The following CFAP54 variants were observed in gnomAD, a reference collection of about 807,000 sequenced individuals.
CFAP54 encodes the protein cilia and flagella associated protein 54.
In CFAP54, 290 loss-of-function variants were observed where a neutral mutation model predicts 370.4. The ratio of observed to expected loss-of-function variants is 0.78; its 90% confidence interval spans 0.71 to 0.86. The LOEUF (loss-of-function observed/expected upper bound fraction) is 0.86, where lower values mean the gene tolerates loss of function less well. Ranked by LOEUF, CFAP54 falls within the 40% of genes least tolerant of loss-of-function variation. The probability of loss-of-function intolerance (pLI) is 0.00; values close to 1 mark genes in which losing one functional copy is unlikely to be tolerated. For missense variants in CFAP54, 3,399 were observed against 3,528.7 expected (o/e 0.96, Z 0.93); for synonymous variants, 1,206 against 1,236.5 (o/e 0.98, Z 0.52).
chr12:96,534,129 T>G lies in CFAP54; in HGVS notation c.1607T>G (p.Leu536Arg), dbSNP rs1955476076. The change falls in exon 11 of 68, where the codon CTA (leucine) becomes CGA (arginine). Residue 536 changes from leucine to arginine, a missense_variant. Physicochemically the swap from Leu to Arg is moderately radical, Grantham distance 102 (BLOSUM62 -2). This residue lies in a region of CFAP54 where 44 missense variants were observed against 82.3 expected (regional missense o/e 0.53). Transcript: ENST00000524981. ...ACTCTTCTGATTGCAATGGAACCACTAATCAACGTGAAGAGAAACAAAGGT... is the reference window on the plus strand; with the variant it reads ...ACTCTTCTGATTGCAATGGAACCACGAATCAACGTGAAGAGAAACAAAGGT... The part of the protein sequence containing the change: ...DLTLLIAMEP[L>R]INVKRNKGLI... The G allele has an allele frequency of 6.5e-7, 1 of 1,533,006 alleles. No individual in the cohort carries two copies. The highest frequency in any genetic ancestry group is 8.7e-7 in the Non-Finnish European group (1 of 1,144,694). 95.0% of individuals were successfully genotyped at this position (1,533,006 alleles called of 1,614,324 possible). A position where few individuals can be genotyped will look rare whatever the true frequency, so the allele number is the denominator to read the frequency against.
At chr12:96,633,036 A>G (rs367560386) in intron 32 of CFAP54, among the ~76,000 whole-genome samples, 3 of 152,080 alleles carry the variant, frequency 2.0e-5, no homozygotes, top group Non-Finnish European at 2.9e-5. Context: ...TATTCTTTGT[A>G]TAGGTGTATA....
intron 67 of CFAP54, among the ~76,000 whole-genome samples, chr12:96,862,064 A>G (rs767997432): frequency 6.6e-6 from 1 of 152,226 alleles, no homozygotes; most frequent in Non-Finnish European, 1.5e-5. Flanking sequence ...CTGGCAGTTG[A>G]CATTTTAAAA....
rs560810773 is a variant in CFAP54 at position 96,842,860 on chromosome 12, A to G, written c.9171+13772A>G. 2.6e-5 allele frequency among the ~76,000 whole-genome samples: 4 copies of G among 152,340 alleles called. No homozygotes were observed. The East Asian group carries it at 5.8e-4, about 22-fold the overall frequency. ...GCTAATTGTTTGAGTTAGAAATACTAAAAAGAGTTAAATGAAATAATTTAT... is the reference window on the plus strand; with the variant it reads ...GCTAATTGTTTGAGTTAGAAATACTGAAAAGAGTTAAATGAAATAATTTAT... On this transcript the variant is annotated intron_variant, in intron 66 of 67. Coordinates refer to ENST00000524981, the MANE Select transcript of CFAP54 (RefSeq NM_001306084.2).
intron 26 of CFAP54, among the ~76,000 whole-genome samples, chr12:96,620,078 A>G (rs1956469159): frequency 1.3e-5 from 2 of 152,306 alleles, no homozygotes; most frequent in East Asian, 1.9e-4. Flanking sequence ...TTCCACAGTC[A>G]CTATTAGTTT....
rs141404299 is a variant in CFAP54, at chr12:96,682,947, C to G, written c.5717-1701C>G. On this transcript the variant is annotated intron_variant, in intron 40 of 67. Transcript: ENST00000524981. Reference sequence around the variant, plus strand: ...GGAGATGATGTTCTTTTTTTCTGGTCCCATCTAATTCCATTTTCCTTGTCT... The same window carrying G: ...GGAGATGATGTTCTTTTTTTCTGGTGCCATCTAATTCCATTTTCCTTGTCT... 5.3e-5 allele frequency among the ~76,000 whole-genome samples: 8 copies of G among 152,152 alleles called. 1 individual carries two copies. The highest frequency in any genetic ancestry group is 1.9e-4 in the African/African-American group (8 of 41,506).
intron 33 of CFAP54, chr12:96,646,121 G>C (rs893348528): frequency 3.5e-4 from 54 of 152,204 alleles, no homozygotes; most frequent in Non-Finnish European, 1.8e-4. Flanking sequence ...AAACTAAAGA[G>C]CTTCTGCACA....
Position 96,720,513 on chromosome 12 carries a change from GC to G in CFAP54, c.6916del (p.Arg2306GlyfsTer20). The G allele has an allele frequency of 6.3e-7, 1 of 1,594,270 alleles. No homozygotes were observed. Among genetic ancestry groups the G allele is most frequent in the South Asian group, 1.1e-5 (1 of 88,624 alleles). ...SAGELEIVVE[A>X]RLQLAAVALQ... Reference sequence around the variant, plus strand: ...TGGCGAGCTGGAGATTGTGGTGGAGGCCCGGCTTCAGCTGGCTGCAGTTGCT... The same window carrying G: ...TGGCGAGCTGGAGATTGTGGTGGAGGCCGGCTTCAGCTGGCTGCAGTTGCT... On this transcript the variant is annotated frameshift_variant, in exon 50 of 68. Coordinates refer to ENST00000524981, the MANE Select transcript of CFAP54 (RefSeq NM_001306084.2). LOFTEE classifies it high-confidence loss of function.
chr12:96,840,358 C>T (rs1345998819), intron 66 of CFAP54, among the ~76,000 whole-genome samples: 1 of 152,100 alleles, frequency 6.6e-6, no homozygotes, highest in Non-Finnish European at 1.5e-5. Flanking sequence ...TTCCACTTCA[C>T]TTTTTTTAGC....
At chr12:96,631,672 A>G (rs950532477) in intron 32 of CFAP54, among the ~76,000 whole-genome samples, 1 of 149,822 alleles carries the variant, frequency 6.7e-6, no homozygotes, top group Admixed American at 6.7e-5. Flanking sequence ...ACATAAATAT[A>G]AATAACATAA....
intron 42 of CFAP54, among the ~76,000 whole-genome samples, chr12:96,685,927 G>T (rs558929261): frequency 2.1e-4 from 32 of 152,164 alleles, no homozygotes; most frequent in Admixed American, 3.9e-4. Context: ...AGGCAGTCAG[G>T]CATGGGCCTC....
At chr12:96,510,775 A>G (rs539396727) in intron 4 of CFAP54, among the ~76,000 whole-genome samples, 58 of 152,234 alleles carry the variant, frequency 3.8e-4, no homozygotes, top group African/African-American at 1.2e-3. Flanking sequence ...CAGCCTGGCC[A>G]ACATGGCAAG....
chr12:96,700,153 T>C (rs771633015), intron 46 of CFAP54, 60 bp downstream of exon 46: 2 of 1,502,732 alleles, frequency 1.3e-6, no homozygotes, highest in Non-Finnish European at 1.8e-6. Flanking sequence ...ATTCCTAAAA[T>C]GTAAGGAACA....
rs1368417092 is a variant in CFAP54, at chr12:96,784,720, A to G, written c.8285A>G (p.Asn2762Ser). 1 of 1,508,740 alleles carries G rather than the reference A, an allele frequency of 6.6e-7. No individual in the cohort carries two copies. Among genetic ancestry groups the G allele is most frequent in the Non-Finnish European group, 8.8e-7 (1 of 1,136,236 alleles). 93.5% of individuals were successfully genotyped at this position (1,508,740 alleles called of 1,614,324 possible). Residue 2762 changes from asparagine to serine, a missense_variant, in exon 61 of 68, where the codon AAC (asparagine) becomes AGC (serine). Transcript: ENST00000524981. ...LSSYTDYLLDNYQVLFQTSCT... is the reference protein window; with the variant it reads ...LSSYTDYLLDSYQVLFQTSCT... ...AAAAAAAGTTTTTCACTTTCAGACA[A>G]CTACCAAGTCCTCTTCCAGACTTCC...
At chr12:96,855,331 A>G (rs932167330) in intron 66 of CFAP54, among the ~76,000 whole-genome samples, 1 of 152,096 alleles carries the variant, frequency 6.6e-6, no homozygotes, top group Non-Finnish European at 1.5e-5. Flanking sequence ...TCAAAACACA[A>G]TCAGGCCATC....
intron 5 of CFAP54, among the ~76,000 whole-genome samples, chr12:96,515,912 G>GTTT (rs71437221): frequency 0.013 from 1,368 of 108,220 alleles, 129 homozygotes; most frequent in African/African-American, 0.047. Flanking sequence ...TTACCTCTAT[G>GTTT]TTTTTTTTTT....
chr12:96,795,151 G>A (rs1958747403), intron 63 of CFAP54, among the ~76,000 whole-genome samples: 1 of 152,206 alleles, frequency 6.6e-6, no homozygotes, highest in Non-Finnish European at 1.5e-5. Context: ...TAGTAGGGGA[G>A]TGAAGTGGAT....
chr12:96,556,405 TC>T (rs950710498), intron 17 of CFAP54, among the ~76,000 whole-genome samples: 16 of 152,162 alleles, frequency 1.1e-4, no homozygotes, highest in African/African-American at 3.9e-4. Context: ...TCTTTTTTTT[TC>T]AAATTAAATG....
At chr12:96,654,759 C>T (rs1203500805) in intron 36 of CFAP54, among the ~76,000 whole-genome samples, 1 of 151,660 alleles carries the variant, frequency 6.6e-6, no homozygotes, top group African/African-American at 2.4e-5. Context: ...TCCATATGTT[C>T]ACATTTTTTA....
intron 66 of CFAP54, among the ~76,000 whole-genome samples, chr12:96,832,280 A>ATAT (rs201119892): frequency 3.3e-5 from 4 of 122,800 alleles, no homozygotes; most frequent in African/African-American, 1.2e-4. Context: ...GTAAAAAAAA[A>ATAT]AAATATATAT....
Sources: gnomAD v4.1 joint callset for allele counts (sites outside exome capture counted in the v4.1 genomes callset) on GRCh38, gnomAD v4.1.1 for gene constraint, gnomAD v4.1.1 regional missense constraint, MANE v1.5 for transcripts, NCBI Gene and HGNC (gene_info 2026-07-23, HGNC 2026-07-21) for gene names.